The following ALK variants were observed in gnomAD, a reference collection of about 807,000 sequenced individuals.
The protein encoded by ALK is ALK receptor tyrosine kinase, also known as ALK tyrosine kinase receptor.
Under a neutral mutation model 163.1 loss-of-function variants are expected in ALK, and 74 were observed. The ratio of observed to expected loss-of-function variants is 0.45; its 90% confidence interval spans 0.38 to 0.55. The LOEUF (loss-of-function observed/expected upper bound fraction) is 0.55, where lower values mean the gene tolerates loss of function less well. Among genes scored for constraint, ALK ranks in the 20% least tolerant of loss-of-function variants. ALK has a pLI of 0.00. For missense variants in ALK, 2,063 were observed against 2,105.3 expected, an observed-to-expected ratio of 0.98 and a Z score of 0.39; for synonymous variants, 960 against 843.2, an observed-to-expected ratio of 1.14 and a Z score of -2.40.
At chr2:29,673,984 C>T (rs76290539) in intron 3 of ALK, among the ~76,000 whole-genome samples, 85,511 of 109,676 alleles carry the variant, frequency 0.78, 32,809 homozygotes, top group African/African-American at 0.91. Context: ...CTGTCTGTTG[C>T]TGGTGTATAA....
chr2:29,548,212 G>A (rs552931704), intron 3 of ALK, among the ~76,000 whole-genome samples: 1 of 152,136 alleles, frequency 6.6e-6, no homozygotes, highest in Non-Finnish European at 1.5e-5. Context: ...GGTGGCTCAC[G>A]CCTGTAATCC....
At chr2:29,529,742 G>C (rs923210473) in intron 4 of ALK, among the ~76,000 whole-genome samples, 1 of 152,222 alleles carries the variant, frequency 6.6e-6, no homozygotes, top group African/African-American at 2.4e-5. Flanking sequence ...AGGTGAGGAG[G>C]CTGGTCCAGG....
chr2:29,759,528 G>T (rs1680641472), intron 1 of ALK, among the ~76,000 whole-genome samples: 1 of 152,178 alleles, frequency 6.6e-6, no homozygotes, highest in Non-Finnish European at 1.5e-5. Context: ...ATACAGTGCA[G>T]GAATCTTTCC....
chr2:29,788,005 C>A (rs906014362), intron 1 of ALK, among the ~76,000 whole-genome samples: 1 of 152,158 alleles, frequency 6.6e-6, no homozygotes, highest in Non-Finnish European at 1.5e-5. Flanking sequence ...TCATCATTTG[C>A]AGCAGACACC....
intron 4 of ALK, among the ~76,000 whole-genome samples, chr2:29,488,018 T>C (rs773816597): frequency 6.6e-6 from 1 of 152,148 alleles, no homozygotes; most frequent in Non-Finnish European, 1.5e-5. Context: ...TTTATACTAG[T>C]TATACACATA....
At chr2:29,276,414 A>T (rs566755479) in intron 9 of ALK, among the ~76,000 whole-genome samples, 74 of 152,294 alleles carry the variant, frequency 4.9e-4, no homozygotes, top group Admixed American at 2.0e-3. Flanking sequence ...TTCCTGGGAA[A>T]TCATCCCATG....
rs547102997 is a variant in ALK at position 29,244,363 on chromosome 2, G to A, written c.2205-4533C>T. ...ATGACACATGACGCGTGTGAGTGTG[G>A]ACGGAGCTTGGTCAGCGGGAGATTT... On this transcript the variant is annotated intron_variant, in intron 12 of 28. Transcript: ENST00000389048. Among the ~76,000 whole-genome samples, 8 of 152,316 alleles carry A rather than the reference G, an allele frequency of 5.3e-5. No individual in the cohort carries two copies. The South Asian group carries it at 1.7e-3, about 32-fold the overall frequency.
chr2:29,719,450 A>G (rs529379296), intron 1 of ALK, among the ~76,000 whole-genome samples: 1 of 152,296 alleles, frequency 6.6e-6, no homozygotes, highest in Non-Finnish European at 1.5e-5. Context: ...TAGATAGGCA[A>G]TGGGGCTCAG....
chr2:29,397,962 T>G (rs972631826), intron 4 of ALK, among the ~76,000 whole-genome samples: 3 of 152,214 alleles, frequency 2.0e-5, no homozygotes, highest in African/African-American at 7.2e-5. Flanking sequence ...CAAACAGAAC[T>G]GCTTGAGGCC....
At chr2:29,577,874 T>C (rs775737450) in intron 3 of ALK, among the ~76,000 whole-genome samples, 10 of 152,226 alleles carry the variant, frequency 6.6e-5, no homozygotes, top group Non-Finnish European at 1.5e-4. Context: ...TTTTGCAGGA[T>C]ATGGTCTTCA....
intron 5 of ALK, among the ~76,000 whole-genome samples, chr2:29,371,937 C>T (rs1368541276): frequency 2.0e-5 from 3 of 152,212 alleles, no homozygotes; most frequent in Admixed American, 6.5e-5. Context: ...GTAAAGCCAC[C>T]ACTCAGAGTG....
At chr2:29,865,863 G>T (rs1666421801) in intron 1 of ALK, among the ~76,000 whole-genome samples, 1 of 152,026 alleles carries the variant, frequency 6.6e-6, no homozygotes, top group African/African-American at 2.4e-5. Context: ...AAATCATATT[G>T]CCAGTAAGAC....
At chr2:29,905,016 C>T (rs529686165) in intron 1 of ALK, among the ~76,000 whole-genome samples, 2 of 152,338 alleles carry the variant, frequency 1.3e-5, no homozygotes, top group East Asian at 3.9e-4. Flanking sequence ...TACACATACA[C>T]ATGCACATAT....
At chr2:29,766,616 A>G (rs1009032351) in intron 1 of ALK, among the ~76,000 whole-genome samples, 4 of 152,208 alleles carry the variant, frequency 2.6e-5, no homozygotes, top group Non-Finnish European at 5.9e-5. Flanking sequence ...ATCTATGTTG[A>G]TCTGTCTACT....
At chr2:29,614,551 G>C (rs1383249648) in intron 3 of ALK, among the ~76,000 whole-genome samples, 1 of 152,178 alleles carries the variant, frequency 6.6e-6, no homozygotes. Flanking sequence ...CAAGAATTCT[G>C]TCTGTGACCA....
chr2:29,749,219 G>A (rs1353850906), intron 1 of ALK, among the ~76,000 whole-genome samples: 2 of 152,156 alleles, frequency 1.3e-5, no homozygotes, highest in African/African-American at 2.4e-5. Context: ...GGTCTGGGGT[G>A]GAGCCCAAGA....
chr2:29,463,045 A>C (rs1345818462), intron 4 of ALK, among the ~76,000 whole-genome samples: 2 of 152,226 alleles, frequency 1.3e-5, no homozygotes, highest in Admixed American at 6.5e-5. Context: ...TGATTGTATA[A>C]TCAAAGTAGT....
At chr2:29,846,147 G>A (rs1365457913) in intron 1 of ALK, among the ~76,000 whole-genome samples, 1 of 152,122 alleles carries the variant, frequency 6.6e-6, no homozygotes, top group East Asian at 1.9e-4. Context: ...ATCTCACCTG[G>A]AATTGGCCTC....
At chr2:29,228,788 CAGGCCAGGGG>C (rs942687293) in intron 16 of ALK, 86 bp downstream of exon 16, 5 of 839,246 alleles carry the variant, frequency 6.0e-6, no homozygotes, top group Non-Finnish European at 1.0e-5. Flanking sequence ...CACACTTGGG[CAGGCCAGGGG>C]AGGGCAGGGG....
Sources: allele counts gnomAD v4.1 joint callset (sites outside exome capture counted in the v4.1 genomes callset), GRCh38; gene constraint gnomAD v4.1.1; transcripts MANE v1.5; gene names NCBI Gene and HGNC (gene_info 2026-07-23, HGNC 2026-07-21).